FGF10: variants seen among roughly 807,000 people sequenced by gnomAD.
The protein encoded by FGF10 is FGF-10.
A neutral mutation model predicts 19.8 loss-of-function variants in FGF10; 2 were observed. The observed-to-expected ratio is 0.10, with a 90% CI of 0.04 to 0.32. FGF10 has a LOEUF of 0.32. Ranked by LOEUF, FGF10 falls within the 10% of genes least tolerant of loss-of-function variation. The pLI, the probability that FGF10 is intolerant of heterozygous loss-of-function variation, is 1.00. For missense variants in FGF10, 191 were observed against 246.3 expected (o/e 0.78, Z 1.50); for synonymous variants, 112 against 94.0 (o/e 1.19, Z -1.10).
chr5:44,329,736 C>T (rs1740689156), intron 1 of FGF10, among the ~76,000 whole-genome samples: 2 of 152,168 alleles, frequency 1.3e-5, no homozygotes, highest in South Asian at 4.1e-4. Flanking sequence ...CAACACAAAA[C>T]AGCTGTTTTA....
rs570986409 is a variant in FGF10 at position 44,302,990 on chromosome 5, T to C, written c.*2005A>G. On this transcript the variant is annotated 3_prime_UTR_variant, in exon 3 of 3. Coordinates refer to ENST00000264664, the MANE Select transcript of FGF10 (RefSeq NM_004465.2). ...AGGAAAAAAAGATACCTAGTTTTGA[T>C]AGGAATGCATTACATTATAGCTCAC... is the stretch of plus-strand genomic sequence containing the variant. Among the ~76,000 whole-genome samples the C allele has an allele frequency of 6.6e-6, 1 of 152,264 alleles. No homozygotes were observed. Among genetic ancestry groups the C allele is most frequent in the South Asian group, 2.1e-4 (1 of 4,832 alleles).
At chr5:44,380,083 A>G (rs1561220905) in intron 1 of FGF10, among the ~76,000 whole-genome samples, 3 of 152,210 alleles carry the variant, frequency 2.0e-5, no homozygotes, top group Admixed American at 6.5e-5. Flanking sequence ...AAAAAATGAC[A>G]CCCAAAATCT....
chr5:44,340,283 C>T (rs1740939543), intron 1 of FGF10, among the ~76,000 whole-genome samples: 1 of 152,042 alleles, frequency 6.6e-6, no homozygotes, highest in African/African-American at 2.4e-5. Context: ...ACACTCCTTT[C>T]CCTGTCCCTT....
rs1742177959 is a variant in FGF10, at chr5:44,388,996, C to T, written c.-314G>A. On this transcript the variant is annotated 5_prime_UTR_variant, in exon 1 of 3. Coordinates refer to ENST00000264664, the MANE Select transcript of FGF10 (RefSeq NM_004465.2). ...TTGGTCACCAGCGCTCTTCGCTCCC[C>T]CAGGAGTTACTTTGTTCTCTTCTTT... is the stretch of plus-strand genomic sequence containing the variant. The T allele has an allele frequency of 4.0e-6, 2 of 501,838 alleles. No individual in the cohort carries two copies. Among genetic ancestry groups the T allele is most frequent in the Non-Finnish European group, 3.6e-6 (1 of 274,590 alleles). The allele number at this position is 501,838 out of a possible 1,614,324, so 31.1% of individuals were successfully genotyped here.
chr5:44,348,788 A>G (rs557822237), intron 1 of FGF10, among the ~76,000 whole-genome samples: 43 of 151,696 alleles, frequency 2.8e-4, no homozygotes, highest in African/African-American at 9.6e-4. Flanking sequence ...ATAGAAATCC[A>G]TATTTAATTT....
At chr5:44,376,120 C>T (rs6893398) in intron 1 of FGF10, among the ~76,000 whole-genome samples, 16,565 of 151,868 alleles carry the variant, frequency 0.11, 955 homozygotes, top group African/African-American at 0.13. Context: ...GTGTTAGGTC[C>T]TATATTTAAT....
intron 1 of FGF10, among the ~76,000 whole-genome samples, chr5:44,379,329 G>C (rs1741938230): frequency 6.6e-6 from 1 of 152,150 alleles, no homozygotes; most frequent in Non-Finnish European, 1.5e-5. Context: ...CTGACACAAA[G>C]CAAGCACTCA....
intron 1 of FGF10, among the ~76,000 whole-genome samples, chr5:44,365,177 A>G (rs1741576189): frequency 6.6e-6 from 1 of 151,728 alleles, no homozygotes; most frequent in South Asian, 2.1e-4. Flanking sequence ...TTCCATACCT[A>G]AGACCTCCAC....
intron 1 of FGF10, among the ~76,000 whole-genome samples, chr5:44,312,195 TAC>T (rs35763425): frequency 0.42 from 63,281 of 150,212 alleles, 14,027 homozygotes; most frequent in African/African-American, 0.59. Context: ...TTCCCTAAGG[TAC>T]ACACACACAC....
chr5:44,366,867 T>C (rs1031410102), intron 1 of FGF10, among the ~76,000 whole-genome samples: 5 of 152,034 alleles, frequency 3.3e-5, no homozygotes, highest in African/African-American at 1.2e-4. Context: ...TTAATAAAGA[T>C]AATATTTCAA....
At chr5:44,325,880 T>TA (rs1740603937) in intron 1 of FGF10, among the ~76,000 whole-genome samples, 4 of 120,514 alleles carry the variant, frequency 3.3e-5, no homozygotes, top group Middle Eastern at 4.0e-3. Flanking sequence ...ATACAAAATT[T>TA]TAAAAAAAAG....
intron 1 of FGF10, among the ~76,000 whole-genome samples, chr5:44,330,524 G>A (rs994840610): frequency 1.3e-5 from 2 of 152,136 alleles, no homozygotes; most frequent in Non-Finnish European, 2.9e-5. Flanking sequence ...AAGCATATTT[G>A]AGATATAAAC....
intron 1 of FGF10, among the ~76,000 whole-genome samples, chr5:44,333,358 C>A (rs1740779806): frequency 6.6e-6 from 1 of 152,126 alleles, no homozygotes; most frequent in African/African-American, 2.4e-5. Context: ...GTTCAAAGCA[C>A]TGTTCTGAGT....
intron 2 of FGF10, among the ~76,000 whole-genome samples, chr5:44,308,614 T>C (rs546765823): frequency 2.6e-4 from 39 of 152,260 alleles, no homozygotes; most frequent in South Asian, 1.2e-3. Flanking sequence ...CTTTTTATAA[T>C]GGTCTGTTAT....
At chr5:44,325,639 A>T (rs1740597873) in intron 1 of FGF10, among the ~76,000 whole-genome samples, 1 of 152,046 alleles carries the variant, frequency 6.6e-6, no homozygotes, top group Admixed American at 6.6e-5. Context: ...ACAAGGACAA[A>T]AAACCAAACA....
chr5:44,388,638 G>A lies in FGF10; in HGVS notation c.45C>T (p.His15=), dbSNP rs1742168713. 1.2e-6 allele frequency: 2 copies of A among 1,614,132 alleles called. No individual in the cohort carries two copies. Among genetic ancestry groups the A allele is most frequent in the East Asian group, 4.5e-5 (2 of 44,860 alleles). ...ILTHCASAFP[H]LPGCCCCCFL... is the part of the protein sequence containing the mutation. ...AGCAGCAGCAGCAGCAGCCGGGCAG[G>A]TGGGGAAAGGCTGAGGCACAATGTG... is the stretch of plus-strand genomic sequence containing the variant. Residue 15 remains histidine, a synonymous_variant, in exon 1 of 3, where the codon CAC becomes CAT. Coordinates refer to ENST00000264664, the MANE Select transcript of FGF10 (RefSeq NM_004465.2).
At chr5:44,388,295 T>C (rs1464103792) in intron 1 of FGF10, 63 bp downstream of exon 1, 8 of 1,489,618 alleles carry the variant, frequency 5.4e-6, no homozygotes, top group East Asian at 4.5e-5. Flanking sequence ...GAACAGATTT[T>C]TCCCCCCCGT....
intron 1 of FGF10, among the ~76,000 whole-genome samples, chr5:44,365,873 C>G (rs1741597392): frequency 1.3e-5 from 2 of 151,882 alleles, no homozygotes; most frequent in South Asian, 4.1e-4. Flanking sequence ...GCTCTTCCTT[C>G]AAAGTACAAA....
intron 1 of FGF10, among the ~76,000 whole-genome samples, chr5:44,381,993 G>A (rs1741995171): frequency 6.6e-6 from 1 of 152,150 alleles, no homozygotes; most frequent in East Asian, 1.9e-4. Flanking sequence ...TTTGCAGGAA[G>A]CATGCCAAAA....
Sources: gnomAD v4.1 joint callset for allele counts (sites outside exome capture counted in the v4.1 genomes callset) on GRCh38, gnomAD v4.1.1 for gene constraint, MANE v1.5 for transcripts, NCBI Gene and HGNC (gene_info 2026-07-23, HGNC 2026-07-21) for gene names.